LTBP2: variants seen among roughly 807,000 people sequenced by gnomAD.
The protein encoded by LTBP2 is latent transforming growth factor beta binding protein 2.
In LTBP2, 103 loss-of-function variants were observed where a neutral mutation model predicts 210.6. The observed-to-expected ratio is 0.49, with a 90% CI of 0.42 to 0.58. The LOEUF is 0.58. Among genes scored for constraint, LTBP2 ranks in the 20% least tolerant of loss-of-function variants. The pLI, the probability that LTBP2 is intolerant of heterozygous loss-of-function variation, is 0.00. For synonymous variants in LTBP2, 1,007 were observed against 1,015.0 expected, an observed-to-expected ratio of 0.99 and a Z score of 0.15; for missense variants, 2,313 against 2,494.5, an observed-to-expected ratio of 0.93 and a Z score of 1.55.
chr14:74,527,294 G>A, intron 13 of LTBP2, 53 bp downstream of exon 13: 3 of 1,599,562 alleles, frequency 1.9e-6, no homozygotes, highest in Middle Eastern at 1.7e-4. Context: ...GCTGCTACCA[G>A]GTCCTGCTCT....
chr14:74,540,399 G>A (rs2087477392), intron 8 of LTBP2, among the ~76,000 whole-genome samples: 1 of 152,066 alleles, frequency 6.6e-6, no homozygotes, highest in Non-Finnish European at 1.5e-5. Context: ...TTTGAGCCTA[G>A]GAGGTAGAGG....
At position 74,552,308 on chromosome 14, in the gene LTBP2, G is replaced by A; in HGVS notation, c.1278C>T (p.Phe426=). ...CCGGCTGCGGGATAGGCAGGTGGCAGAACTTCCCGGTGGAGTTGGCGGGGC... is the reference window on the plus strand; with the variant it reads ...CCGGCTGCGGGATAGGCAGGTGGCAAAACTTCCCGGTGGAGTTGGCGGGGC... ...CWCPANSTGK[F]CHLPIPQPDR... The change falls in exon 6 of 36, where the codon TTC becomes TTT. Residue 426 remains phenylalanine (F), a synonymous_variant. Transcript: ENST00000261978. 1 of 1,613,030 alleles carries A rather than the reference G, an allele frequency of 6.2e-7. No individual in the cohort carries two copies.
Position 74,561,175 on chromosome 14 carries a change from G to A in LTBP2, c.831-5482C>T, listed in dbSNP as rs562751910. 3.9e-5 allele frequency among the ~76,000 whole-genome samples: 6 copies of A among 152,088 alleles called. 1 individual carries two copies. In the South Asian group the frequency reaches 8.3e-4, roughly 21 times the overall value. On this transcript the variant is annotated intron_variant, in intron 3 of 35. Transcript: ENST00000261978. The stretch of plus-strand genomic sequence containing the variant: ...TCTACTAAAAATACAAAAATTAGCC[G>A]GGCGTGGTGGTGGGCACCTGTAGTC...
chr14:74,549,815 C>T (rs369983025), intron 8 of LTBP2, 48 bp downstream of exon 8: 31 of 1,501,222 alleles, frequency 2.1e-5, no homozygotes, highest in African/African-American at 1.8e-4. Flanking sequence ...AGGGCAGGCC[C>T]AGGGAGAGCT....
chr14:74,597,239 C>T (rs924513979), intron 2 of LTBP2, among the ~76,000 whole-genome samples: 1 of 152,190 alleles, frequency 6.6e-6, no homozygotes, highest in Admixed American at 6.5e-5. Flanking sequence ...GTTAGTATTG[C>T]ATGTCAATTG....
At chr14:74,577,927 C>A (rs748535352) in intron 3 of LTBP2, among the ~76,000 whole-genome samples, 9 of 152,156 alleles carry the variant, frequency 5.9e-5, no homozygotes, top group Non-Finnish European at 7.4e-5. Context: ...GGTCTTCTGG[C>A]ACGTCACAGC....
chr14:74,527,469 T>C, intron 12 of LTBP2, 103 bp from the exon 13 acceptor site: 2 of 1,253,850 alleles, frequency 1.6e-6, no homozygotes, highest in Admixed American at 2.0e-5. Context: ...CCAGACCACA[T>C]CCCCAGCAGG....
intron 10 of LTBP2, among the ~76,000 whole-genome samples, chr14:74,531,570 G>A (rs1383915353): frequency 6.6e-6 from 1 of 152,200 alleles, no homozygotes; most frequent in Non-Finnish European, 1.5e-5. Flanking sequence ...TAGAGCCACT[G>A]GGTTCAGCCT....
At chr14:74,593,411 A>C (rs2088310072) in intron 2 of LTBP2, among the ~76,000 whole-genome samples, 1 of 152,206 alleles carries the variant, frequency 6.6e-6, no homozygotes. Flanking sequence ...GACCTTGGAC[A>C]CATGTCATCT....
chr14:74,570,909 T>C (rs1197652133), intron 3 of LTBP2, among the ~76,000 whole-genome samples: 1 of 152,156 alleles, frequency 6.6e-6, no homozygotes, highest in Non-Finnish European at 1.5e-5. Context: ...AAGTTTCTGA[T>C]GACCGCTGCT....
Position 74,502,757 on chromosome 14 carries a change from G to A in LTBP2, c.5066C>T (p.Pro1689Leu). ...YLGPEDTVPE[P>L]AFPNTAGHSA... Reference sequence around the variant, plus strand: ...GTGACCGGCTGTGTTGGGGAAGGCAGGCTCAGGGACGGTGTCCTCGGGGCC... The same window carrying A: ...GTGACCGGCTGTGTTGGGGAAGGCAAGCTCAGGGACGGTGTCCTCGGGGCC... The change falls in exon 34 of 36, where the codon CCT (proline) becomes CTT (leucine). Residue 1689 changes from proline (P) to leucine (L), a missense_variant. Physicochemically the swap from Pro to Leu is moderately conservative, Grantham distance 98. This residue lies in a region of LTBP2 where 443 missense variants were observed against 501.4 expected (regional missense o/e 0.88). Transcript: ENST00000261978. 6.2e-7 allele frequency: 1 copy of A among 1,614,226 alleles called. No individual in the cohort carries two copies. The highest frequency in any genetic ancestry group is 8.5e-7 in the Non-Finnish European group (1 of 1,180,036).
At chr14:74,551,490 C>T (rs931511462) in intron 6 of LTBP2, 140 bp from the exon 7 acceptor site, 7 of 854,636 alleles carry the variant, frequency 8.2e-6, no homozygotes, top group Non-Finnish European at 1.2e-5. Flanking sequence ...CATTTCTTTG[C>T]TCCCAAGTTA....
At chr14:74,594,982 G>A (rs1017980223) in intron 2 of LTBP2, among the ~76,000 whole-genome samples, 6 of 152,224 alleles carry the variant, frequency 3.9e-5, no homozygotes, top group East Asian at 1.9e-4. Context: ...GGCTCAGGAC[G>A]GCTGGAAACT....
At chr14:74,504,907 C>G (rs199527539) in intron 29 of LTBP2, 46 bp from the exon 30 acceptor site, 5 of 1,612,810 alleles carry the variant, frequency 3.1e-6, no homozygotes, top group Admixed American at 1.7e-5. Context: ...GGCCCTGCCC[C>G]CTTCCTCTCT....
At chr14:74,517,598 C>G (rs764180380) in intron 17 of LTBP2, among the ~76,000 whole-genome samples, 12 of 152,096 alleles carry the variant, frequency 7.9e-5, no homozygotes, top group Non-Finnish European at 5.9e-5. Context: ...GTCTTGAACT[C>G]CTGACCTCAA....
At position 74,510,086 on chromosome 14, in the gene LTBP2, T is replaced by C. The variant is rs1188300168; in HGVS notation, c.3151+5A>G. On this transcript the variant is annotated splice_donor_5th_base_variant and intron_variant, in intron 20 of 35. Transcript: ENST00000261978. Reference sequence around the variant, plus strand: ...CGGAGAAGGGGCGCTTCAGCATCTCTGTACCTTGGCAGCCCTTCTCATCTG... The same window carrying C: ...CGGAGAAGGGGCGCTTCAGCATCTCCGTACCTTGGCAGCCCTTCTCATCTG... The C allele has an allele frequency of 3.7e-6, 6 of 1,613,960 alleles. No homozygotes were observed. The highest frequency in any genetic ancestry group is 3.3e-4 in the Middle Eastern group (2 of 6,084).
At chr14:74,583,311 A>G (rs1388925185) in intron 3 of LTBP2, among the ~76,000 whole-genome samples, 3 of 152,180 alleles carry the variant, frequency 2.0e-5, no homozygotes, top group East Asian at 1.9e-4. Context: ...CCAAGTTGCT[A>G]TCAGGAGAGA....
In LTBP2 at chr14:74,501,164, T is replaced by C. The variant is rs189050112; in HGVS notation, c.5321-135A>G. On this transcript the variant is annotated intron_variant, in intron 35 of 35. Transcript: ENST00000261978. ...TGTGACAGCCAGAGGCTGAAGTCAC[T>C]TCCCAAAACCAAGCAACTCAAGGAC... 576 of 1,186,266 alleles carry C rather than the reference T, an allele frequency of 4.9e-4. 12 individuals carry two copies. The Admixed American group carries it at 0.011, about 23-fold the overall frequency. The allele number at this position is 1,186,266 out of a possible 1,614,324, so 73.5% of individuals were successfully genotyped here. A position where few individuals can be genotyped will look rare whatever the true frequency, so the allele number is the denominator to read the frequency against.
chr14:74,511,264 G>T lies in LTBP2; in HGVS notation c.3009C>A (p.Gly1003=). The part of the protein sequence containing the change: ...TCLACEEGYR[G]QSGSCVDVNE... ...CCTCACCTACACAGCTCCCACTCTG[G>T]CCCCGGTAGCCCTCCTCACAGGCCA... The change falls in exon 19 of 36, where the codon GGC becomes GGA. Residue 1003 remains glycine, a synonymous_variant. Transcript: ENST00000261978. 1 of 1,613,966 alleles carries T rather than the reference G, an allele frequency of 6.2e-7. No homozygotes were observed. Among genetic ancestry groups the T allele is most frequent in the Non-Finnish European group, 8.5e-7 (1 of 1,179,986 alleles).
Sources: allele counts gnomAD v4.1 joint callset (sites outside exome capture counted in the v4.1 genomes callset), GRCh38; gene constraint gnomAD v4.1.1; regional missense constraint gnomAD v4.1.1; transcripts MANE v1.5; gene names NCBI Gene and HGNC (gene_info 2026-07-23, HGNC 2026-07-21).